Variants in ZMYND12 observed in about 807,000 individuals in gnomAD.
ZMYND12 encodes zinc finger MYND-type containing 12.
ZMYND12 carries 32 observed loss-of-function variants against 41.7 expected under a neutral mutation model. That is an observed-to-expected ratio of 0.77 (90% CI 0.58 to 1.03). The LOEUF is 1.03. Ranked by LOEUF, ZMYND12 falls within the 50% of genes least tolerant of loss-of-function variation. The pLI is 0.00. For synonymous variants in ZMYND12, 148 were observed against 164.8 expected (o/e 0.90, Z 0.78); for missense variants, 424 against 438.5 (o/e 0.97, Z 0.30).
At chr1:42,444,509 G>C (rs1002778073) in intron 3 of ZMYND12, among the ~76,000 whole-genome samples, 13 of 152,238 alleles carry the variant, frequency 8.5e-5, no homozygotes, top group African/African-American at 3.1e-4. Flanking sequence ...GCACTTTCAT[G>C]GTCATTACAC....
chr1:42,436,829 G>A (rs1642913515), intron 4 of ZMYND12, among the ~76,000 whole-genome samples: 2 of 151,752 alleles, frequency 1.3e-5, no homozygotes, highest in South Asian at 4.2e-4. Flanking sequence ...GTGTTGGGAA[G>A]GATATGGAGA....
chr1:42,446,029 G>T, intron 3 of ZMYND12, among the ~76,000 whole-genome samples: 1 of 152,176 alleles, frequency 6.6e-6, no homozygotes, highest in Middle Eastern at 3.2e-3. Context: ...TGGGCAGGGT[G>T]AGCAGGGCAT....
chr1:42,445,097 C>T (rs1643009732), intron 3 of ZMYND12, among the ~76,000 whole-genome samples: 1 of 150,628 alleles, frequency 6.6e-6, no homozygotes, highest in Admixed American at 6.6e-5. Flanking sequence ...TGTGAGCCAC[C>T]GTGCCCGGCC....
At chr1:42,437,440 C>CTGTGTGTGTGTGTGTGTGTGTG (rs113850227) in intron 4 of ZMYND12, among the ~76,000 whole-genome samples, 13 of 144,506 alleles carry the variant, frequency 9.0e-5, no homozygotes, top group African/African-American at 2.6e-4. Context: ...CAATAAAGCT[C>CTGTGTGTGTGTGTGTGTGTGTG]TGTGTGTGTG....
chr1:42,455,767 C>T, intron 1 of ZMYND12, 121 bp downstream of exon 1: 1 of 682,708 alleles, frequency 1.5e-6, no homozygotes, highest in South Asian at 1.9e-5. Context: ...GTCTTAAAGC[C>T]GTTTTGAGGT....
intron 3 of ZMYND12, among the ~76,000 whole-genome samples, chr1:42,442,566 G>A (rs139209268): frequency 2.0e-5 from 3 of 152,222 alleles, no homozygotes; most frequent in African/African-American, 4.8e-5. Context: ...AAGCCACTAC[G>A]TCAGTGTGCT....
At chr1:42,432,822 G>A (rs1324000807) in intron 7 of ZMYND12, 1 of 259,618 alleles carries the variant, frequency 3.9e-6, no homozygotes, top group Non-Finnish European at 7.1e-6. Context: ...AGGGAACTCA[G>A]TAACTGAGTG....
In ZMYND12 at chr1:42,450,046, G is replaced by T; in HGVS notation, c.124C>A (p.Gln42Lys). The T allele has an allele frequency of 6.2e-7, 1 of 1,613,722 alleles. No homozygotes were observed. Residue 42 changes from glutamine (Q) to lysine (K), a missense_variant, in exon 2 of 8, where the codon CAG becomes AAG. Coordinates refer to ENST00000372565, the MANE Select transcript of ZMYND12 (RefSeq NM_032257.5). The part of the protein sequence containing the change: ...TVTYYCGVVH[Q>K]KADWDSIHEK... ...TGGATGCTGTCCCAGTCAGCCTTCTGATGTACCACCCCACTGACAACGGAA... is the reference window on the plus strand; with the variant it reads ...TGGATGCTGTCCCAGTCAGCCTTCTTATGTACCACCCCACTGACAACGGAA...
intron 1 of ZMYND12, among the ~76,000 whole-genome samples, 192 bp from the exon 2 acceptor site, chr1:42,450,251 T>C (rs914757380): frequency 5.3e-5 from 8 of 152,198 alleles, no homozygotes; most frequent in African/African-American, 1.4e-4. Context: ...ATAAACTGTG[T>C]TGGGATTGGA....
intron 4 of ZMYND12, among the ~76,000 whole-genome samples, chr1:42,437,440 C>CTGTGTGTGTGTGTG (rs113850227): frequency 0.016 from 2,375 of 144,430 alleles, 32 homozygotes; most frequent in Non-Finnish European, 0.02. Context: ...CAATAAAGCT[C>CTGTGTGTGTGTGTG]TGTGTGTGTG....
chr1:42,437,440 CTGTGTGTG>C (rs113850227), intron 4 of ZMYND12, among the ~76,000 whole-genome samples: 410 of 144,396 alleles, frequency 2.8e-3, no homozygotes, highest in Admixed American at 5.1e-3. Flanking sequence ...CAATAAAGCT[CTGTGTGTG>C]TGTGTGTGTG....
intron 1 of ZMYND12, 39 bp downstream of exon 1, chr1:42,455,849 G>GGGAGTTA: frequency 6.8e-7 from 1 of 1,478,536 alleles, no homozygotes; most frequent in South Asian, 1.2e-5. Flanking sequence ...GAGAGAGGGA[G>GGGAGTTA]GGAGTTATAG....
chr1:42,432,546 G>T (rs1049441943), intron 7 of ZMYND12, among the ~76,000 whole-genome samples: 13 of 151,982 alleles, frequency 8.6e-5, no homozygotes, highest in African/African-American at 3.1e-4. Flanking sequence ...ATGAATGAGA[G>T]AATCAACCAA....
At chr1:42,440,100 C>A in intron 3 of ZMYND12, 75 bp from the exon 4 acceptor site, 5 of 1,453,186 alleles carry the variant, frequency 3.4e-6, no homozygotes, top group Non-Finnish European at 4.6e-6. Flanking sequence ...GAGTCATTAC[C>A]CATTCACTCA....
In ZMYND12 at chr1:42,436,544, C is replaced by A; in HGVS notation, c.595-1G>T. 1 of 1,612,568 alleles carries A rather than the reference C, an allele frequency of 6.2e-7. No homozygotes were observed. The highest frequency in any genetic ancestry group is 1.1e-5 in the South Asian group (1 of 91,036). On this transcript the variant is annotated splice_acceptor_variant, in intron 4 of 7. Transcript: ENST00000372565. LOFTEE classifies it high-confidence loss of function. ...CAAATGCACAACTGGCAAAATAAAT[C>A]TATAGCAGAAGGAAGAAGGAGAGTG... is the stretch of plus-strand genomic sequence containing the variant.
chr1:42,455,951 CAG>C lies in ZMYND12; in HGVS notation c.45_46del (p.Cys16LeufsTer2), dbSNP rs1244252970. 2 of 1,613,754 alleles carry C rather than the reference CAG, an allele frequency of 1.2e-6. No homozygotes were observed. The highest frequency in any genetic ancestry group is 1.7e-6 in the Non-Finnish European group (2 of 1,180,004). ...GGCTGGGGCTTCGCACACCTCACAG[CAG>C]AGTCTGCGCCCCTTGGGGACTGCCA... On this transcript the variant is annotated frameshift_variant, in exon 1 of 8. Transcript: ENST00000372565. LOFTEE classifies it high-confidence loss of function.
chr1:42,448,047 A>C (rs1057200999), intron 3 of ZMYND12, among the ~76,000 whole-genome samples: 4 of 152,220 alleles, frequency 2.6e-5, no homozygotes, highest in Non-Finnish European at 5.9e-5. Context: ...ACTCCATCTG[A>C]CATTTTGGGG....
At chr1:42,430,929 C>T (rs1642842301) in intron 7 of ZMYND12, 71 bp from the exon 8 acceptor site, 2 of 1,589,492 alleles carry the variant, frequency 1.3e-6, no homozygotes, top group Non-Finnish European at 1.7e-6. Flanking sequence ...CCCATCTGTG[C>T]TCAACTCCAG....
At chr1:42,439,488 T>A (rs998396211) in intron 4 of ZMYND12, among the ~76,000 whole-genome samples, 1 of 152,026 alleles carries the variant, frequency 6.6e-6, no homozygotes, top group Admixed American at 6.6e-5. Context: ...ACGGTCTCAA[T>A]CTCCTGACCT....
Sources: gnomAD v4.1 joint callset for allele counts (sites outside exome capture counted in the v4.1 genomes callset) on GRCh38, gnomAD v4.1.1 for gene constraint, MANE v1.5 for transcripts, NCBI Gene and HGNC (gene_info 2026-07-23, HGNC 2026-07-21) for gene names.